Variants in GHR observed in about 807,000 individuals in gnomAD.
GHR encodes the protein GH receptor.
Under a neutral mutation model 67.1 loss-of-function variants are expected in GHR, and 35 were observed. That is an observed-to-expected ratio of 0.52 (90% CI 0.40 to 0.69). The LOEUF is 0.69. GHR is among the 30% of genes least tolerant of loss of function. The probability of loss-of-function intolerance (pLI) is 0.00; values close to 1 mark genes in which losing one functional copy is unlikely to be tolerated. For missense variants in GHR, 792 were observed against 764.6 expected (o/e 1.04, Z -0.42); for synonymous variants, 272 against 269.1 (o/e 1.01, Z -0.10).
intron 2 of GHR, among the ~76,000 whole-genome samples, chr5:42,598,113 TGA>T (rs1161906880): frequency 6.6e-6 from 1 of 151,752 alleles, no homozygotes; most frequent in African/African-American, 2.4e-5. Context: ...AGGGGAAAGA[TGA>T]GAGAGGGGAC....
At chr5:42,704,578 G>T in intron 6 of GHR, among the ~76,000 whole-genome samples, 1 of 151,944 alleles carries the variant, frequency 6.6e-6, no homozygotes, top group East Asian at 1.9e-4. Context: ...GAAATAGTTT[G>T]GTAGTATCCC....
intron 6 of GHR, among the ~76,000 whole-genome samples, chr5:42,709,154 C>T (rs1299587067): frequency 6.6e-6 from 1 of 151,986 alleles, no homozygotes; most frequent in Non-Finnish European, 1.5e-5. Context: ...TTTCTCCCCC[C>T]CACAGGATCT....
chr5:42,447,873 C>A (rs1021111020), intron 1 of GHR, among the ~76,000 whole-genome samples: 1 of 151,834 alleles, frequency 6.6e-6, no homozygotes, highest in Non-Finnish European at 1.5e-5. Context: ...CAGGTTCAAG[C>A]AATTCTCCTG....
rs1368644418 is a variant in GHR, at chr5:42,575,235, CCTT to C, written c.70+9297_70+9299del. ...CACCACCCACATCTGATTCTTGTCT[CCTT>C]CTTCTCTGCTGTGGTCAGGAGAAAC... is the stretch of plus-strand genomic sequence containing the variant. On this transcript the variant is annotated intron_variant, in intron 2 of 9. Coordinates refer to ENST00000230882, the MANE Select transcript of GHR (RefSeq NM_000163.5). Among the ~76,000 whole-genome samples the C allele has an allele frequency of 3.9e-5, 6 of 152,248 alleles. No homozygotes were observed. The East Asian group carries it at 5.8e-4, about 15-fold the overall frequency.
At chr5:42,575,052 T>TG in intron 2 of GHR, among the ~76,000 whole-genome samples, 1 of 151,944 alleles carries the variant, frequency 6.6e-6, no homozygotes, top group South Asian at 2.1e-4. Context: ...CTCTGGTACT[T>TG]ATCCTATTCT....
intron 2 of GHR, among the ~76,000 whole-genome samples, chr5:42,583,331 T>G (rs538773970): frequency 2.0e-4 from 30 of 152,242 alleles, no homozygotes; most frequent in African/African-American, 7.2e-4. Context: ...ACTCAAGATC[T>G]TACCTTTTCC....
intron 1 of GHR, among the ~76,000 whole-genome samples, chr5:42,556,256 A>G (rs1490764849): frequency 6.6e-6 from 1 of 152,188 alleles, no homozygotes; most frequent in African/African-American, 2.4e-5. Flanking sequence ...TATAAAAAGT[A>G]TTTAGTATAC....
At chr5:42,476,253 C>A (rs1248022100) in intron 1 of GHR, among the ~76,000 whole-genome samples, 1 of 149,004 alleles carries the variant, frequency 6.7e-6, no homozygotes, top group African/African-American at 2.5e-5. Flanking sequence ...TGGAGCCCTG[C>A]TCTGTCGCCC....
chr5:42,569,873 G>A (rs980260517), intron 2 of GHR, among the ~76,000 whole-genome samples: 1 of 152,108 alleles, frequency 6.6e-6, no homozygotes, highest in Non-Finnish European at 1.5e-5. Context: ...ACCATTCAAA[G>A]TAAGAGACTT....
intron 2 of GHR, among the ~76,000 whole-genome samples, chr5:42,567,656 G>T (rs1750018795): frequency 2.6e-5 from 4 of 151,336 alleles, no homozygotes; most frequent in Admixed American, 2.6e-4. Flanking sequence ...TGGAATATGT[G>T]CATATTCCAG....
chr5:42,517,844 A>C (rs1200654991), intron 1 of GHR, among the ~76,000 whole-genome samples: 3 of 151,994 alleles, frequency 2.0e-5, no homozygotes, highest in Admixed American at 2.0e-4. Context: ...TGTATTACAA[A>C]AGCTTGCGTG....
chr5:42,453,155 G>A (rs1744122293), intron 1 of GHR, among the ~76,000 whole-genome samples: 1 of 151,714 alleles, frequency 6.6e-6, no homozygotes, highest in Admixed American at 6.6e-5. Flanking sequence ...GACTCTGTAC[G>A]AGATCCTTAG....
intron 1 of GHR, among the ~76,000 whole-genome samples, chr5:42,478,714 T>C (rs1745462370): frequency 6.6e-6 from 1 of 152,208 alleles, no homozygotes; most frequent in Admixed American, 6.5e-5. Context: ...AGAATGCTTG[T>C]GATTTTTGCA....
chr5:42,536,161 C>T (rs903819505), intron 1 of GHR, among the ~76,000 whole-genome samples: 5 of 152,100 alleles, frequency 3.3e-5, no homozygotes, highest in African/African-American at 7.2e-5. Context: ...TTATTTCTTT[C>T]TCTCATCTGA....
intron 1 of GHR, among the ~76,000 whole-genome samples, chr5:42,512,564 C>G (rs1378911212): frequency 6.6e-6 from 1 of 152,076 alleles, no homozygotes; most frequent in East Asian, 1.9e-4. Context: ...GAGAGCATGC[C>G]CCTGTCCCCA....
chr5:42,430,904 A>G (rs1743065755), intron 1 of GHR, among the ~76,000 whole-genome samples: 1 of 152,172 alleles, frequency 6.6e-6, no homozygotes, highest in Non-Finnish European at 1.5e-5. Flanking sequence ...TTAGGATGAT[A>G]TAATATGAAA....
At chr5:42,662,850 G>T (rs549963301) in intron 3 of GHR, among the ~76,000 whole-genome samples, 3 of 152,256 alleles carry the variant, frequency 2.0e-5, no homozygotes, top group East Asian at 3.9e-4. Context: ...AAAATTGATA[G>T]ACCACTAGCA....
At chr5:42,715,049 G>T (rs1758652540) in intron 8 of GHR, 2 of 373,812 alleles carry the variant, frequency 5.4e-6, no homozygotes. Flanking sequence ...GGATTTCCAA[G>T]AAAACATATT....
At chr5:42,663,924 A>T (rs1333460312) in intron 3 of GHR, among the ~76,000 whole-genome samples, 5 of 152,202 alleles carry the variant, frequency 3.3e-5, no homozygotes, top group Non-Finnish European at 5.9e-5. Context: ...AATGTGCAAA[A>T]ATCACAAGCA....
Sources: allele counts gnomAD v4.1 joint callset (sites outside exome capture counted in the v4.1 genomes callset), GRCh38; gene constraint gnomAD v4.1.1; transcripts MANE v1.5; gene names NCBI Gene and HGNC (gene_info 2026-07-23, HGNC 2026-07-21).